The following RBFOX1 variants were observed in gnomAD, a reference collection of about 807,000 sequenced individuals.
RBFOX1 encodes RNA binding fox-1 homolog 1.
In RBFOX1, 8 loss-of-function variants were observed where a neutral mutation model predicts 57.7. The ratio of observed to expected loss-of-function variants is 0.14; its 90% confidence interval spans 0.08 to 0.25. The LOEUF is 0.25. Among genes scored for constraint, RBFOX1 ranks in the 10% least tolerant of loss-of-function variants. The pLI is 1.00. For synonymous variants in RBFOX1, 326 were observed against 222.4 expected (o/e 1.47, Z -4.15); for missense variants, 611 against 548.5 (o/e 1.11, Z -1.14).
chr16:7,537,065 A>G (rs1423664419), intron 5 of RBFOX1, among the ~76,000 whole-genome samples: 1 of 152,226 alleles, frequency 6.6e-6, no homozygotes, highest in Non-Finnish European at 1.5e-5. Context: ...AGGCCATTGA[A>G]GGATTTTAAG....
At chr16:7,343,342 C>T (rs1028726958) in intron 4 of RBFOX1, among the ~76,000 whole-genome samples, 4 of 152,038 alleles carry the variant, frequency 2.6e-5, no homozygotes, top group African/African-American at 9.7e-5. Flanking sequence ...AGTGTCCAGG[C>T]AAGGGAGGAG....
intron 3 of RBFOX1, among the ~76,000 whole-genome samples, chr16:6,693,239 T>C (rs2060496500): frequency 6.8e-6 from 1 of 147,108 alleles, no homozygotes; most frequent in East Asian, 2.1e-4. Flanking sequence ...TCCACTACCA[T>C]CACCACCATC....
chr16:5,529,598 C>G (rs1045322396), intron 2 of RBFOX1, among the ~76,000 whole-genome samples: 5 of 146,172 alleles, frequency 3.4e-5, no homozygotes, highest in African/African-American at 1.0e-4. Context: ...TGGAGTTTTG[C>G]TCTTGTTGCT....
chr16:6,680,274 CTTTTTTT>C (rs1180378585), intron 3 of RBFOX1, among the ~76,000 whole-genome samples: 2 of 88,934 alleles, frequency 2.2e-5, no homozygotes, highest in Non-Finnish European at 4.6e-5. Flanking sequence ...TTCTCTCTCT[CTTTTTTT>C]TTTTTTTTTT....
At chr16:5,458,097 C>G (rs77951431) in intron 1 of RBFOX1, among the ~76,000 whole-genome samples, 4,891 of 152,210 alleles carry the variant, frequency 0.032, 217 homozygotes, top group African/African-American at 0.093. Flanking sequence ...TCATTAATCT[C>G]TTTACTATTT....
chr16:5,595,175 A>G (rs1157865097), intron 2 of RBFOX1, among the ~76,000 whole-genome samples: 1 of 152,042 alleles, frequency 6.6e-6, no homozygotes, highest in Non-Finnish European at 1.5e-5. Flanking sequence ...TGTTTCCCCA[A>G]AGACATTTCC....
intron 4 of RBFOX1, among the ~76,000 whole-genome samples, chr16:7,509,152 A>G (rs997840272): frequency 1.3e-5 from 2 of 152,198 alleles, no homozygotes; most frequent in African/African-American, 2.4e-5. Flanking sequence ...ACGATAAGCC[A>G]TGAAAAGACA....
At chr16:5,955,982 C>G (rs1229832354) in intron 4 of RBFOX1, among the ~76,000 whole-genome samples, 2 of 152,108 alleles carry the variant, frequency 1.3e-5, no homozygotes, top group African/African-American at 2.4e-5. Context: ...AATACATTGG[C>G]CATGCATGGT....
At chr16:6,906,375 G>A (rs74577775) in intron 3 of RBFOX1, among the ~76,000 whole-genome samples, 7,242 of 152,006 alleles carry the variant, frequency 0.048, 304 homozygotes, top group South Asian at 0.13. Flanking sequence ...TAATAACACC[G>A]AAACTCATAA....
chr16:5,443,438 A>C (rs964841713), intron 1 of RBFOX1, among the ~76,000 whole-genome samples: 2 of 152,178 alleles, frequency 1.3e-5, no homozygotes, highest in Non-Finnish European at 2.9e-5. Context: ...CCTGGGTTCA[A>C]GTGATTCTCA....
At chr16:5,390,495 G>A (rs2066377462) in intron 1 of RBFOX1, among the ~76,000 whole-genome samples, 2 of 151,862 alleles carry the variant, frequency 1.3e-5, no homozygotes, top group Non-Finnish European at 2.9e-5. Context: ...CACCGTGTTG[G>A]CCAGGCTGGT....
chr16:7,638,665 C>G (rs902390960), intron 11 of RBFOX1, among the ~76,000 whole-genome samples: 4 of 152,200 alleles, frequency 2.6e-5, no homozygotes, highest in Non-Finnish European at 5.9e-5. Flanking sequence ...GCCATCTAGC[C>G]TCTGTTGCAG....
intron 3 of RBFOX1, among the ~76,000 whole-genome samples, chr16:6,772,695 G>C (rs563756228): frequency 2.0e-5 from 3 of 150,122 alleles, no homozygotes; most frequent in African/African-American, 7.4e-5. Flanking sequence ...GTGTATATGT[G>C]GGTGTGGGAT....
chr16:5,670,185 G>A (rs966773117), intron 3 of RBFOX1, among the ~76,000 whole-genome samples: 1 of 152,116 alleles, frequency 6.6e-6, no homozygotes, highest in Non-Finnish European at 1.5e-5. Context: ...GCTGGGGGAG[G>A]GGTTTTGAGG....
chr16:6,144,462 C>G (rs2096742513), intron 1 of RBFOX1, among the ~76,000 whole-genome samples: 1 of 152,312 alleles, frequency 6.6e-6, no homozygotes, highest in South Asian at 2.1e-4. Context: ...AGTCTTCTGT[C>G]AGGCTTTGGA....
chr16:6,248,022 A>C (rs2097578960), intron 1 of RBFOX1, among the ~76,000 whole-genome samples: 1 of 152,168 alleles, frequency 6.6e-6, no homozygotes, highest in East Asian at 1.9e-4. Flanking sequence ...CTTTATCATC[A>C]ATCCCTTCAA....
chr16:7,174,315 C>T (rs1207113589), intron 4 of RBFOX1, among the ~76,000 whole-genome samples: 1 of 151,970 alleles, frequency 6.6e-6, no homozygotes, highest in Non-Finnish European at 1.5e-5. Flanking sequence ...ATCCATTTAC[C>T]CATTTATTGA....
chr16:6,395,895 G>A (rs540846090), intron 2 of RBFOX1, among the ~76,000 whole-genome samples: 1 of 151,560 alleles, frequency 6.6e-6, no homozygotes, highest in African/African-American at 2.4e-5. Flanking sequence ...GTGAAACCCC[G>A]TCTCTGCTAA....
chr16:6,824,806 G>A (rs893603786), intron 3 of RBFOX1, among the ~76,000 whole-genome samples: 6 of 151,736 alleles, frequency 4.0e-5, no homozygotes, highest in Non-Finnish European at 8.8e-5. Flanking sequence ...TTTTAAATTT[G>A]TAATAACATG....
Sources: gnomAD v4.1 joint callset for allele counts (sites outside exome capture counted in the v4.1 genomes callset) on GRCh38, gnomAD v4.1.1 for gene constraint, MANE v1.5 for transcripts, NCBI Gene and HGNC (gene_info 2026-07-23, HGNC 2026-07-21) for gene names.